The following SORBS3 variants were observed in gnomAD, a reference collection of about 807,000 sequenced individuals.
The protein encoded by SORBS3 is vinexin.
A neutral mutation model predicts 98.0 loss-of-function variants in SORBS3; 69 were observed. The observed-to-expected ratio is 0.70, with a 90% CI of 0.58 to 0.86. SORBS3 has a LOEUF of 0.86. SORBS3 is among the 40% of genes least tolerant of loss of function. SORBS3 has a pLI of 0.00. For missense variants in SORBS3, 954 were observed against 908.5 expected, an observed-to-expected ratio of 1.05 and a Z score of -0.64; for synonymous variants, 394 against 355.4, an observed-to-expected ratio of 1.11 and a Z score of -1.22.
intron 1 of SORBS3, among the ~76,000 whole-genome samples, chr8:22,552,415 A>G (rs1228101986): frequency 6.6e-6 from 1 of 152,074 alleles, no homozygotes; most frequent in African/African-American, 2.4e-5. Context: ...TACATGGGGG[A>G]CCAGTCCCCA....
chr8:22,563,705 T>G (rs571557186), intron 7 of SORBS3, among the ~76,000 whole-genome samples: 1 of 152,298 alleles, frequency 6.6e-6, no homozygotes, highest in South Asian at 2.1e-4. Flanking sequence ...TCATATATGT[T>G]CTCTCACCAA....
At chr8:22,550,426 A>G (rs1415229419), upstream of SORBS3, among the ~76,000 whole-genome samples, 2 of 152,226 alleles carry the variant, frequency 1.3e-5, no homozygotes, top group Non-Finnish European at 2.9e-5. Flanking sequence ...CTGCTTCCCT[A>G]TGACGTGTCC....
chr8:22,563,922 G>A (rs906978151), intron 7 of SORBS3, 65 bp from the exon 8 acceptor site: 17 of 1,235,792 alleles, frequency 1.4e-5, no homozygotes, highest in Non-Finnish European at 4.8e-6. Context: ...TGAGAGGGCT[G>A]TGTGCTGGCT....
chr8:22,566,088 T>TCGCGGCCGCCGGGGG, intron 12 of SORBS3: 1 of 552,500 alleles, frequency 1.8e-6, no homozygotes, highest in Non-Finnish European at 2.7e-6. Context: ...AGGACCGGGG[T>TCGCGGCCGCCGGGGG]CGCGGCCGCC....
At chr8:22,564,249 C>T (rs751666281) in intron 8 of SORBS3, 34 bp from the exon 9 acceptor site, 1 of 1,557,698 alleles carries the variant, frequency 6.4e-7, no homozygotes, top group Non-Finnish European at 8.7e-7. Flanking sequence ...CAGTAGCCCT[C>T]TTCACAAGCT....
chr8:22,548,243 C>T (rs556310979), upstream of SORBS3, among the ~76,000 whole-genome samples: 3 of 152,336 alleles, frequency 2.0e-5, no homozygotes, highest in South Asian at 6.2e-4. Context: ...CTTCTGCCTG[C>T]TCCTGTTCCC....
intron 12 of SORBS3, 129 bp downstream of exon 12, chr8:22,566,001 G>C (rs984836922): frequency 1.9e-5 from 12 of 647,910 alleles, no homozygotes; most frequent in Non-Finnish European, 2.4e-5. Context: ...CCGCAGAGCC[G>C]TGTCCGGGAG....
Position 22,566,676 on chromosome 8 carries a change from A to AC in SORBS3, c.1107dup (p.Gly370ArgfsTer21). On this transcript the variant is annotated frameshift_variant, in exon 14 of 21. Coordinates refer to ENST00000240123, the MANE Select transcript of SORBS3 (RefSeq NM_005775.5). LOFTEE classifies it high-confidence loss of function. ...TTCTCCACAGACCCTAGTGCCTCTAACGGAGGGGGCAGCCCAGCCAGGAGG... is the reference window on the plus strand; with the variant it reads ...TTCTCCACAGACCCTAGTGCCTCTAACCGGAGGGGGCAGCCCAGCCAGGAGG... 6.2e-7 allele frequency: 1 copy of AC among 1,608,976 alleles called. No individual in the cohort carries two copies. Among genetic ancestry groups the AC allele is most frequent in the Non-Finnish European group, 8.5e-7 (1 of 1,178,504 alleles).
rs920494550 is a variant in SORBS3, at chr8:22,555,257, C to T, written c.220+277C>T. 3.3e-5 allele frequency among the ~76,000 whole-genome samples: 5 copies of T among 152,142 alleles called. No individual in the cohort carries two copies. The South Asian group carries it at 6.2e-4, about 19-fold the overall frequency. ...GGAAGCGTGCAGGAGCCCTGGGCGC[C>T]GGAGGACCTCCCACAGGGACTGGGG... On this transcript the variant is annotated intron_variant, in intron 3 of 20. Coordinates refer to ENST00000240123, the MANE Select transcript of SORBS3 (RefSeq NM_005775.5).
intron 7 of SORBS3, 98 bp from the exon 8 acceptor site, chr8:22,563,889 C>T (rs1405816471): frequency 1.1e-6 from 1 of 907,200 alleles, no homozygotes; most frequent in East Asian, 2.4e-5. Context: ...AGAGTAGACC[C>T]CACAGCAGGG....
In SORBS3 at chr8:22,571,778, C is replaced by T; in HGVS notation, c.1804C>T (p.Leu602=). The change falls in exon 19 of 21, where the codon CTG becomes TTG. Residue 602 remains leucine, a synonymous_variant. Coordinates refer to ENST00000240123, the MANE Select transcript of SORBS3 (RefSeq NM_005775.5). ...TCGAGGTCCCAGCCATCCCCTGGAC[C>T]TGGGGACCTCCTCTCCTAACACCTC... ...HSRGPSHPLD[L]GTSSPNTSQI... is the part of the protein sequence containing the mutation. 1.2e-6 allele frequency: 2 copies of T among 1,613,968 alleles called. No individual in the cohort carries two copies. The highest frequency in any genetic ancestry group is 1.7e-6 in the Non-Finnish European group (2 of 1,179,936).
At chr8:22,565,001 T>C in intron 10 of SORBS3, 2 of 1,376,980 alleles carry the variant, frequency 1.5e-6, no homozygotes, top group Non-Finnish European at 1.9e-6. Context: ...AGACACAACT[T>C]GGCAGAAACT....
Position 22,570,895 on chromosome 8 carries a change from CTT to C in SORBS3, c.1432-12_1432-11del, listed in dbSNP as rs1396514086. 1.9e-6 allele frequency: 3 copies of C among 1,574,572 alleles called. No individual in the cohort carries two copies. The Admixed American group carries it at 5.2e-5, about 27-fold the overall frequency. On this transcript the variant is annotated splice_polypyrimidine_tract_variant and intron_variant, in intron 17 of 20. Transcript: ENST00000240123. Reference sequence around the variant, plus strand: ...ACCAGGAAGGCCCCACAGACACTGACTTTTCCCCCCTCAGGGAGAGCACATCT... The same window carrying C: ...ACCAGGAAGGCCCCACAGACACTGACTTCCCCCCTCAGGGAGAGCACATCT...
chr8:22,574,813 C>A lies in SORBS3; in HGVS notation c.*85C>A. 2 of 1,316,362 alleles carry A rather than the reference C, an allele frequency of 1.5e-6. No homozygotes were observed. The highest frequency in any genetic ancestry group is 2.2e-6 in the Non-Finnish European group (2 of 910,734). The allele number at this position is 1,316,362 out of a possible 1,614,324, so 81.5% of individuals were successfully genotyped here. On this transcript the variant is annotated 3_prime_UTR_variant, in exon 21 of 21. Transcript: ENST00000240123. ...GGAGGGAGAGGACCCCCGCCCACAT[C>A]CTCCTTCCCCAGGACCTGAGCTCCC...
intron 3 of SORBS3, among the ~76,000 whole-genome samples, chr8:22,556,500 G>A (rs185795415): frequency 2.6e-5 from 4 of 152,176 alleles, no homozygotes; most frequent in African/African-American, 9.7e-5. Flanking sequence ...AGAAGGATGG[G>A]GGTAGGGCCA....
At chr8:22,566,531 C>T (rs754070241) in intron 13 of SORBS3, 47 bp downstream of exon 13, 4 of 1,601,650 alleles carry the variant, frequency 2.5e-6, no homozygotes, top group African/African-American at 1.3e-5. Context: ...GCCCACCCAC[C>T]AGGCATGTTG....
At position 22,556,881 on chromosome 8, in the gene SORBS3, G is replaced by A. The variant is rs377509592; in HGVS notation, c.387G>A (p.Glu129=). The A allele has an allele frequency of 1.2e-6, 2 of 1,613,204 alleles. No individual in the cohort carries two copies. Among genetic ancestry groups the A allele is most frequent in the East Asian group, 4.5e-5 (2 of 44,888 alleles). The change falls in exon 4 of 21, where the codon GAG becomes GAA. Residue 129 remains glutamate (E), a synonymous_variant. Coordinates refer to ENST00000240123, the MANE Select transcript of SORBS3 (RefSeq NM_005775.5). ...VKYEGIGPVD[E]SGMPIAPRSS... ...ACGAGGGAATCGGGCCCGTGGACGA[G>A]AGCGGCATGCCCATTGCCCCCCGAT...
chr8:22,566,139 G>A (rs1013829876), intron 12 of SORBS3: 109 of 685,042 alleles, frequency 1.6e-4, no homozygotes, highest in Non-Finnish European at 1.6e-4. Context: ...CACGGCCCAG[G>A]CACTCCCGCT....
intron 11 of SORBS3, chr8:22,565,562 G>C (rs1161365435): frequency 1.7e-6 from 1 of 593,482 alleles, no homozygotes; most frequent in Admixed American, 4.6e-5. Flanking sequence ...AAGTGACCCC[G>C]AGGAGCCTTT....
Sources: gnomAD v4.1 joint callset for allele counts (sites outside exome capture counted in the v4.1 genomes callset) on GRCh38, gnomAD v4.1.1 for gene constraint, MANE v1.5 for transcripts, NCBI Gene and HGNC (gene_info 2026-07-23, HGNC 2026-07-21) for gene names.